Variants in KHDRBS2 observed in about 807,000 individuals in gnomAD.
The protein encoded by KHDRBS2 is KH domain-containing, RNA-binding, signal transduction-associated protein 2.
Under a neutral mutation model 44.3 loss-of-function variants are expected in KHDRBS2, and 26 were observed. That is an observed-to-expected ratio of 0.59 (90% CI 0.43 to 0.81). The LOEUF is 0.81. Among genes scored for constraint, KHDRBS2 ranks in the 40% least tolerant of loss-of-function variants. KHDRBS2 has a pLI of 0.00. For synonymous variants in KHDRBS2, 194 were observed against 151.1 expected, an observed-to-expected ratio of 1.28 and a Z score of -2.08; for missense variants, 476 against 433.1, an observed-to-expected ratio of 1.10 and a Z score of -0.88.
the KHDRBS2 span, among the ~76,000 whole-genome samples, chr6:61,552,642 T>C: frequency 6.6e-5 from 10 of 152,270 alleles, no homozygotes; most frequent in East Asian, 1.7e-3. Flanking sequence ...ATTTGTTATA[T>C]ATATGTCTTA....
At chr6:61,945,751 C>T (rs991262411) in intron 4 of KHDRBS2, among the ~76,000 whole-genome samples, 7 of 150,656 alleles carry the variant, frequency 4.6e-5, no homozygotes, top group Non-Finnish European at 7.4e-5. Context: ...TAATTGAGAC[C>T]GTCAAGCAAA....
At chr6:62,144,723 T>C (rs1220507922) in intron 2 of KHDRBS2, among the ~76,000 whole-genome samples, 2 of 151,974 alleles carry the variant, frequency 1.3e-5, no homozygotes, top group Non-Finnish European at 2.9e-5. Flanking sequence ...AAGCAGTTTT[T>C]AGTTAACAGT....
intron 1 of KHDRBS2, among the ~76,000 whole-genome samples, chr6:62,270,323 C>T (rs1026666109): frequency 2.2e-5 from 3 of 136,508 alleles, no homozygotes; most frequent in Admixed American, 7.4e-5. Context: ...TCTCTCTCCC[C>T]CACCCACCCC....
At chr6:61,574,954 T>G in the KHDRBS2 span, among the ~76,000 whole-genome samples, 1 of 152,102 alleles carries the variant, frequency 6.6e-6, no homozygotes, top group Non-Finnish European at 1.5e-5. Flanking sequence ...TCTCACCCTA[T>G]ACAAATGTCA....
intron 7 of KHDRBS2, among the ~76,000 whole-genome samples, chr6:61,698,683 C>G (rs144438456): frequency 2.6e-5 from 4 of 151,978 alleles, no homozygotes; most frequent in Admixed American, 6.6e-5. Context: ...ATTTGTCCCC[C>G]CCTTGTATTT....
rs571267895 is a variant in KHDRBS2 at position 62,186,677 on chromosome 6, A to C, written c.92-9365T>G. ...TATAAATTTGCTGAAACTATCATCA[A>C]AAAAATGTTGGAATCTTTTGGATAG... On this transcript the variant is annotated intron_variant, in intron 1 of 8. Coordinates refer to ENST00000281156, the MANE Select transcript of KHDRBS2 (RefSeq NM_152688.4). 6.6e-5 allele frequency among the ~76,000 whole-genome samples: 10 copies of C among 152,128 alleles called. No individual in the cohort carries two copies. In the East Asian group the frequency reaches 1.9e-3, roughly 29 times the overall value.
intron 4 of KHDRBS2, among the ~76,000 whole-genome samples, chr6:61,920,126 A>G (rs1170424844): frequency 6.6e-6 from 1 of 151,948 alleles, no homozygotes; most frequent in East Asian, 1.9e-4. Context: ...CAATTTTCAG[A>G]AATTAAATTT....
At chr6:61,798,114 G>A (rs771009129) in intron 6 of KHDRBS2, among the ~76,000 whole-genome samples, 2 of 152,016 alleles carry the variant, frequency 1.3e-5, no homozygotes, top group African/African-American at 2.4e-5. Flanking sequence ...CTGAGAACAC[G>A]TGCTATTTGG....
At chr6:61,892,501 A>G (rs375112425) in intron 6 of KHDRBS2, among the ~76,000 whole-genome samples, 3 of 152,208 alleles carry the variant, frequency 2.0e-5, no homozygotes, top group East Asian at 3.9e-4. Context: ...ACTTCAAACT[A>G]TACTACAAGG....
At chr6:61,846,684 C>T (rs1257237594) in intron 6 of KHDRBS2, among the ~76,000 whole-genome samples, 1 of 152,084 alleles carries the variant, frequency 6.6e-6, no homozygotes, top group Non-Finnish European at 1.5e-5. Flanking sequence ...AAATAGCAGA[C>T]TTTCCTTGTA....
At chr6:62,010,510 G>A (rs918870696) in intron 3 of KHDRBS2, among the ~76,000 whole-genome samples, 10 of 152,140 alleles carry the variant, frequency 6.6e-5, no homozygotes, top group Admixed American at 1.3e-4. Context: ...GAAGGGACCA[G>A]GGGTGGAATA....
chr6:61,743,565 A>AC (rs1776443815), intron 6 of KHDRBS2, among the ~76,000 whole-genome samples: 1 of 152,114 alleles, frequency 6.6e-6, no homozygotes, highest in African/African-American at 2.4e-5. Flanking sequence ...AAAATGAAAA[A>AC]AATTGGGGTT....
At chr6:61,667,134 C>CT in the KHDRBS2 span, among the ~76,000 whole-genome samples, 509 of 133,654 alleles carry the variant, frequency 3.8e-3, 2 homozygotes, top group Middle Eastern at 8.3e-3. Flanking sequence ...CCGCAAAGTA[C>CT]TTTTTTTTTT....
intron 6 of KHDRBS2, among the ~76,000 whole-genome samples, chr6:61,744,389 C>T (rs4710265): frequency 0.38 from 57,799 of 151,960 alleles, 12,125 homozygotes; most frequent in African/African-American, 0.57. Flanking sequence ...CAAACCTGCT[C>T]TTACTTTGGG....
intron 3 of KHDRBS2, among the ~76,000 whole-genome samples, chr6:62,023,805 T>A (rs1782775387): frequency 6.6e-6 from 1 of 151,298 alleles, no homozygotes; most frequent in Non-Finnish European, 1.5e-5. Flanking sequence ...ATTTACAGAA[T>A]CATTATTCCT....
chr6:61,778,246 G>T (rs571998650), intron 6 of KHDRBS2, among the ~76,000 whole-genome samples: 7 of 152,288 alleles, frequency 4.6e-5, no homozygotes, highest in Middle Eastern at 3.4e-3. Flanking sequence ...CTCCGTGGAT[G>T]AACAGAGCCT....
intron 6 of KHDRBS2, among the ~76,000 whole-genome samples, chr6:61,800,862 A>G (rs1024017752): frequency 2.6e-5 from 4 of 152,120 alleles, no homozygotes; most frequent in Admixed American, 6.6e-5. Flanking sequence ...CAGCTTCCAA[A>G]CACCTATGAC....
chr6:61,598,869 G>T, the KHDRBS2 span, among the ~76,000 whole-genome samples: 1 of 116,580 alleles, frequency 8.6e-6, no homozygotes, highest in Admixed American at 1.1e-4. Flanking sequence ...GCACATCAGG[G>T]TATTCAAAAC....
At chr6:61,565,044 G>T in the KHDRBS2 span, among the ~76,000 whole-genome samples, 1 of 151,824 alleles carries the variant, frequency 6.6e-6, no homozygotes, top group Non-Finnish European at 1.5e-5. Flanking sequence ...TTCAACAAAG[G>T]TGCCAAGAAC....
Sources: allele counts gnomAD v4.1 joint callset (sites outside exome capture counted in the v4.1 genomes callset), GRCh38; gene constraint gnomAD v4.1.1; transcripts MANE v1.5; gene names NCBI Gene and HGNC (gene_info 2026-07-23, HGNC 2026-07-21).